The following ALCAM variants were observed in gnomAD, a reference collection of about 807,000 sequenced individuals.
ALCAM encodes the protein CD166 antigen.
Under a neutral mutation model 70.9 loss-of-function variants are expected in ALCAM, and 30 were observed. That is an observed-to-expected ratio of 0.42 (90% CI 0.32 to 0.57). The LOEUF (loss-of-function observed/expected upper bound fraction) is 0.57. Ranked by LOEUF, ALCAM falls within the 20% of genes least tolerant of loss-of-function variation. The pLI is 0.11. For missense variants in ALCAM, 591 were observed against 695.1 expected, an observed-to-expected ratio of 0.85 and a Z score of 1.68; for synonymous variants, 249 against 242.5, an observed-to-expected ratio of 1.03 and a Z score of -0.25.
chr3:105,533,483 T>C (rs546588595), intron 4 of ALCAM, 120 bp from the exon 5 acceptor site: 7 of 688,954 alleles, frequency 1.0e-5, no homozygotes, highest in South Asian at 9.4e-5. Flanking sequence ...TGGTCAGTGT[T>C]GGAAAATAAA....
intron 1 of ALCAM, among the ~76,000 whole-genome samples, chr3:105,436,674 T>C (rs1399412087): frequency 6.6e-6 from 1 of 152,196 alleles, no homozygotes; most frequent in East Asian, 1.9e-4. Context: ...GTCTTCTTAG[T>C]TTAGTGTAGC....
intron 14 of ALCAM, among the ~76,000 whole-genome samples, chr3:105,553,568 G>T (rs1029195839): frequency 5.3e-5 from 8 of 151,774 alleles, no homozygotes; most frequent in African/African-American, 1.9e-4. Flanking sequence ...AGAAAAATCA[G>T]ATTTAAATCA....
At chr3:105,395,661 T>TG in intron 1 of ALCAM, among the ~76,000 whole-genome samples, 1 of 152,074 alleles carries the variant, frequency 6.6e-6, no homozygotes, top group Non-Finnish European at 1.5e-5. Flanking sequence ...TAAGCAAATA[T>TG]GGGGGATATA....
chr3:105,434,682 A>T (rs1937012356), intron 1 of ALCAM, among the ~76,000 whole-genome samples: 1 of 152,128 alleles, frequency 6.6e-6, no homozygotes, highest in Non-Finnish European at 1.5e-5. Context: ...AACATTAGAT[A>T]AATTATGTTT....
intron 1 of ALCAM, among the ~76,000 whole-genome samples, chr3:105,480,183 G>A (rs1559805683): frequency 6.6e-6 from 1 of 151,674 alleles, no homozygotes; most frequent in South Asian, 2.1e-4. Flanking sequence ...AACCCAGTCT[G>A]TACTAAAAAT....
At chr3:105,507,274 T>A (rs1939104420) in intron 1 of ALCAM, among the ~76,000 whole-genome samples, 1 of 152,176 alleles carries the variant, frequency 6.6e-6, no homozygotes, top group Admixed American at 6.6e-5. Context: ...GTTGATACAT[T>A]ATTATTGACT....
chr3:105,549,433 A>T (rs1404984752), intron 11 of ALCAM, among the ~76,000 whole-genome samples: 1 of 151,562 alleles, frequency 6.6e-6, no homozygotes, highest in Non-Finnish European at 1.5e-5. Context: ...GAATGAGTTC[A>T]TAAGATGACC....
At chr3:105,396,375 G>A (rs1408130377) in intron 1 of ALCAM, among the ~76,000 whole-genome samples, 2 of 151,806 alleles carry the variant, frequency 1.3e-5, no homozygotes, top group Non-Finnish European at 2.9e-5. Context: ...ATCTGTGGGA[G>A]CCAAAAGGAA....
At chr3:105,490,399 G>A (rs1024126563) in intron 1 of ALCAM, among the ~76,000 whole-genome samples, 21 of 152,138 alleles carry the variant, frequency 1.4e-4, no homozygotes, top group African/African-American at 4.1e-4. Flanking sequence ...TTGTACCGCC[G>A]AATCCTCTTA....
At chr3:105,529,296 C>G (rs1290858972) in intron 3 of ALCAM, among the ~76,000 whole-genome samples, 2 of 152,162 alleles carry the variant, frequency 1.3e-5, no homozygotes, top group Admixed American at 1.3e-4. Context: ...TTTAATGATG[C>G]AAGTAAATTT....
rs896642650 is a variant in ALCAM at position 105,533,769 on chromosome 3, C to T, written c.547+79C>T. On this transcript the variant is annotated intron_variant, in intron 5 of 15. Coordinates refer to ENST00000306107, the MANE Select transcript of ALCAM (RefSeq NM_001627.4). Reference sequence around the variant, plus strand: ...TTCTTTGTTCTAGGTATTCTTTAAACCAGTGGTCTCCAACCTTTTTGGCAC... The same window carrying T: ...TTCTTTGTTCTAGGTATTCTTTAAATCAGTGGTCTCCAACCTTTTTGGCAC... The T allele has an allele frequency of 9.7e-6, 13 of 1,337,222 alleles. No individual in the cohort carries two copies. In the Admixed American group the frequency reaches 1.5e-4, roughly 15 times the overall value. 82.8% of individuals were successfully genotyped at this position (1,337,222 alleles called of 1,614,324 possible). A position where few individuals can be genotyped will look rare whatever the true frequency, so the allele number is the denominator to read the frequency against.
rs767128548 is a variant in ALCAM at position 105,547,367 on chromosome 3, T to C, written c.1241-23T>C. The C allele has an allele frequency of 1.9e-6, 3 of 1,592,910 alleles. No homozygotes were observed. In the South Asian group the frequency reaches 3.4e-5, roughly 18 times the overall value. ...TCTTTTATGATCTCAGTTCAACATC[T>C]TATTTTAATTGTAATATTTCAGGCA... On this transcript the variant is annotated intron_variant, in intron 10 of 15. Coordinates refer to ENST00000306107, the MANE Select transcript of ALCAM (RefSeq NM_001627.4).
intron 1 of ALCAM, among the ~76,000 whole-genome samples, chr3:105,384,038 C>T (rs1039701741): frequency 2.6e-5 from 4 of 151,552 alleles, no homozygotes; most frequent in African/African-American, 4.8e-5. Context: ...ACTGAAAATA[C>T]ATCTGTACTG....
intron 1 of ALCAM, among the ~76,000 whole-genome samples, chr3:105,456,121 T>C (rs1937532942): frequency 6.6e-6 from 1 of 151,932 alleles, no homozygotes; most frequent in African/African-American, 2.4e-5. Flanking sequence ...AAAAAGTAGG[T>C]GTAAATGTGA....
chr3:105,547,056 C>G, intron 9 of ALCAM, 93 bp from the exon 10 acceptor site: 1 of 1,054,988 alleles, frequency 9.5e-7, no homozygotes, highest in Non-Finnish European at 1.3e-6. Context: ...ATATTATTCC[C>G]AGAAGAATTG....
intron 1 of ALCAM, among the ~76,000 whole-genome samples, chr3:105,509,796 C>A (rs567949312): frequency 6.6e-6 from 1 of 152,058 alleles, no homozygotes; most frequent in Non-Finnish European, 1.5e-5. Flanking sequence ...AAAATTATTG[C>A]CAAGTCCAAT....
At chr3:105,425,889 TG>T (rs1038174810) in intron 1 of ALCAM, among the ~76,000 whole-genome samples, 2 of 151,804 alleles carry the variant, frequency 1.3e-5, no homozygotes, top group African/African-American at 4.8e-5. Context: ...GCTATGTGGT[TG>T]GTGATTTGTT....
intron 1 of ALCAM, among the ~76,000 whole-genome samples, chr3:105,454,003 T>C (rs971881154): frequency 3.9e-5 from 6 of 152,202 alleles, no homozygotes; most frequent in African/African-American, 9.6e-5. Context: ...TTATTCAATT[T>C]TGTGTTCAAA....
chr3:105,404,903 C>T (rs758131277), intron 1 of ALCAM, among the ~76,000 whole-genome samples: 5 of 151,890 alleles, frequency 3.3e-5, no homozygotes, highest in Non-Finnish European at 7.4e-5. Context: ...AAAGATATTC[C>T]GCAAATGGAC....
Sources: allele counts gnomAD v4.1 joint callset (sites outside exome capture counted in the v4.1 genomes callset), GRCh38; gene constraint gnomAD v4.1.1; transcripts MANE v1.5; gene names NCBI Gene and HGNC (gene_info 2026-07-23, HGNC 2026-07-21).